MED16: variants seen among roughly 807,000 people sequenced by gnomAD.
The protein encoded by MED16 is mediator of RNA polymerase II transcription subunit 16.
Under a neutral mutation model 84.4 loss-of-function variants are expected in MED16, and 81 were observed. That is an observed-to-expected ratio of 0.96 (90% CI 0.80 to 1.15). The LOEUF (loss-of-function observed/expected upper bound fraction) is 1.15. Ranked by LOEUF, MED16 falls within the 50% of genes most tolerant of loss-of-function variation. The pLI is 0.00. For synonymous variants in MED16, 897 were observed against 552.2 expected (o/e 1.62, Z -8.76); for missense variants, 1,585 against 1,245.9 (o/e 1.27, Z -4.10).
intron 1 of MED16, among the ~76,000 whole-genome samples, chr19:892,105 C>T (rs1197392915): frequency 6.6e-6 from 1 of 152,028 alleles, no homozygotes; most frequent in Non-Finnish European, 1.5e-5. Flanking sequence ...GGCACCTCCT[C>T]GAGGCTTTCT....
chr19:873,745 A>T (rs2036159099), intron 10 of MED16, among the ~76,000 whole-genome samples, 163 bp from the exon 11 acceptor site: 2 of 151,834 alleles, frequency 1.3e-5, no homozygotes, highest in African/African-American at 4.8e-5. Context: ...TGCCGGACGG[A>T]GAGGAACTGG....
intron 9 of MED16, 143 bp downstream of exon 9, chr19:876,831 G>T: frequency 1.3e-6 from 1 of 759,388 alleles, no homozygotes; most frequent in Non-Finnish European, 2.0e-6. Flanking sequence ...CGGGGCCCCT[G>T]CCTGCCACAG....
Position 881,587 on chromosome 19 carries a change from G to C in MED16, c.1113C>G (p.Ala371=). The part of the protein sequence containing the change: ...ISLTNTDLKV[A]SDTQFYPGLG... Reference sequence around the variant, plus strand: ...GGCCAGGGTAGAACTGTGTGTCGCTGGCCACCTTGAGGTCGGTGTTGGTGA... The same window carrying C: ...GGCCAGGGTAGAACTGTGTGTCGCTCGCCACCTTGAGGTCGGTGTTGGTGA... The change falls in exon 7 of 16, where the codon GCC becomes GCG. Residue 371 remains alanine, a synonymous_variant. Coordinates refer to ENST00000325464, the MANE Select transcript of MED16 (RefSeq NM_005481.3). 6.2e-7 allele frequency: 1 copy of C among 1,612,496 alleles called. No homozygotes were observed. The highest frequency in any genetic ancestry group is 8.5e-7 in the Non-Finnish European group (1 of 1,179,878).
chr19:879,370 AGCCCC>A (rs2036355701), intron 8 of MED16, among the ~76,000 whole-genome samples: 3 of 140,452 alleles, frequency 2.1e-5, no homozygotes, highest in African/African-American at 2.7e-5. Flanking sequence ...AATGCCCACC[AGCCCC>A]AGCCGCACAT....
rs1449381199 is a variant in MED16, at chr19:884,925, G to A, written c.963C>T (p.Ile321=). 9 of 1,609,308 alleles carry A rather than the reference G, an allele frequency of 5.6e-6. No individual in the cohort carries two copies. The highest frequency in any genetic ancestry group is 2.7e-5 in the African/African-American group (2 of 74,924). ...LRKEGLPVNN[I]FQQISPVVGD... ...CACCCACGGGGGAGATCTGCTGGAA[G>A]ATGTTGTTCACGGGGAGTCCCTCCT... Residue 321 remains isoleucine (I), a synonymous_variant, in exon 6 of 16, where the codon ATC becomes ATT. Coordinates refer to ENST00000325464, the MANE Select transcript of MED16 (RefSeq NM_005481.3).
At chr19:886,635 A>G (rs1235130192) in intron 4 of MED16, among the ~76,000 whole-genome samples, 1 of 152,260 alleles carries the variant, frequency 6.6e-6, no homozygotes, top group Non-Finnish European at 1.5e-5. Context: ...CCTGGGCCGC[A>G]CTGTGCAGAC....
At chr19:883,101 C>A (rs1466859689) in intron 6 of MED16, among the ~76,000 whole-genome samples, 2 of 152,218 alleles carry the variant, frequency 1.3e-5, no homozygotes, top group Non-Finnish European at 2.9e-5. Flanking sequence ...GATTTACATC[C>A]CCTCCTCCAT....
rs774611499 is a variant in MED16 at position 871,603 on chromosome 19, T to G, written c.2098+323A>C. 5.0e-6 allele frequency: 8 copies of G among 1,595,388 alleles called. No homozygotes were observed. The Admixed American group carries it at 1.0e-4, about 20-fold the overall frequency. ...CCGACAAGGAGAGACAGCAAACAGG[T>G]GCCTGGAAGTGGCTGCCATCCCAAA... On this transcript the variant is annotated intron_variant, in intron 12 of 15. Coordinates refer to ENST00000325464, the MANE Select transcript of MED16 (RefSeq NM_005481.3).
At chr19:887,082 A>G (rs2036540790) in intron 4 of MED16, among the ~76,000 whole-genome samples, 1 of 151,006 alleles carries the variant, frequency 6.6e-6, no homozygotes, top group Non-Finnish European at 1.5e-5. Flanking sequence ...TTTGTCTCAA[A>G]AACAAAAAAA....
chr19:885,117 CTT>C, intron 5 of MED16, 109 bp from the exon 6 acceptor site: 1 of 797,162 alleles, frequency 1.3e-6, no homozygotes, highest in Non-Finnish European at 2.0e-6. Flanking sequence ...GGGCCTGTCT[CTT>C]CAGCCACGCC....
intron 13 of MED16, among the ~76,000 whole-genome samples, chr19:869,654 A>G (rs992452218): frequency 6.6e-6 from 1 of 152,118 alleles, no homozygotes; most frequent in Non-Finnish European, 1.5e-5. Context: ...GAGGTCCCGG[A>G]GCCAAGCCGG....
rs201531363 is a variant in MED16 at position 868,897 on chromosome 19, C to A, written c.2365G>T (p.Ala789Ser). ...IDHLRRLHLGACPTEECKACT... is the reference protein window; with the variant it reads ...IDHLRRLHLGSCPTEECKACT... ...GCCTTGCATTCCTCCGTGGGGCAAG[C>A]GCCAAGGTGCAGCCTCCGCAGGTGG... The change falls in exon 14 of 16, where the codon GCT (alanine) becomes TCT (serine). Residue 789 changes from alanine to serine, a missense_variant. Physicochemically the swap from Ala to Ser is moderately conservative, Grantham distance 99 (BLOSUM62 1). Coordinates refer to ENST00000325464, the MANE Select transcript of MED16 (RefSeq NM_005481.3). The A allele has an allele frequency of 6.4e-7, 1 of 1,551,506 alleles. No homozygotes were observed. The highest frequency in any genetic ancestry group is 2.0e-5 in the Admixed American group (1 of 50,472).
In MED16 at chr19:881,623, C is replaced by A; in HGVS notation, c.1077G>T (p.Leu359=). The A allele has an allele frequency of 1.2e-6, 2 of 1,612,736 alleles. No homozygotes were observed. Among genetic ancestry groups the A allele is most frequent in the East Asian group, 2.2e-5 (1 of 44,888 alleles). Residue 359 remains leucine (L), a synonymous_variant, in exon 7 of 16, where the codon CTG becomes CTT. Transcript: ENST00000325464. The part of the protein sequence containing the change: ...DRVSAVALPK[L]PISLTNTDLK... The stretch of plus-strand genomic sequence containing the variant: ...GGTCGGTGTTGGTGAGCGAGATGGG[C>A]AGCTTGGGCAGCGCCACGGCCGACA...
At chr19:886,768 G>C (rs999040820) in intron 4 of MED16, among the ~76,000 whole-genome samples, 1 of 152,180 alleles carries the variant, frequency 6.6e-6, no homozygotes, top group Non-Finnish European at 1.5e-5. Context: ...TTCTTTCAAC[G>C]TGAGTCTTTT....
chr19:880,286 G>A (rs1169095176), intron 7 of MED16, 138 bp from the exon 8 acceptor site: 4 of 696,716 alleles, frequency 5.7e-6, no homozygotes, highest in African/African-American at 3.8e-5. Context: ...GGCATCCAGC[G>A]CCCGTGCCCC....
chr19:890,879 C>T (rs1337050035), intron 2 of MED16, 84 bp downstream of exon 2: 2 of 1,468,260 alleles, frequency 1.4e-6, no homozygotes, highest in Non-Finnish European at 1.8e-6. Context: ...GACCGAGTCC[C>T]TTCAAGGCAG....
intron 9 of MED16, among the ~76,000 whole-genome samples, chr19:875,927 C>T (rs567447282): frequency 9.9e-5 from 15 of 152,136 alleles, no homozygotes; most frequent in South Asian, 2.1e-4. Flanking sequence ...GCCTGTGCAA[C>T]GTAGGACACC....
Position 886,198 on chromosome 19 carries a change from C to T in MED16, c.451G>A (p.Gly151Ser), listed in dbSNP as rs1382252900. 2.0e-6 allele frequency: 3 copies of T among 1,507,638 alleles called. No homozygotes were observed. The highest frequency in any genetic ancestry group is 2.7e-6 in the Non-Finnish European group (3 of 1,131,984). 93.4% of individuals were successfully genotyped at this position (1,507,638 alleles called of 1,614,324 possible). Residue 151 changes from glycine to serine, a missense_variant, in exon 5 of 16, where the codon GGC (glycine) becomes AGC (serine). Transcript: ENST00000325464. ...AACTTCTCCCCGAAGCTGGAGGCGCCCGACTGTGGAGAAGGGAGGGAGGGA... is the reference window on the plus strand; with the variant it reads ...AACTTCTCCCCGAAGCTGGAGGCGCTCGACTGTGGAGAAGGGAGGGAGGGA... ...VKLALHVEKS[G>S]ASSFGEKFSR...
At chr19:871,699 C>G (rs755820828) in intron 12 of MED16, 1 of 1,357,874 alleles carries the variant, frequency 7.4e-7, no homozygotes, top group Non-Finnish European at 1.0e-6. Flanking sequence ...GAGCCACTGC[C>G]ACCTGCAGGG....
Sources: gnomAD v4.1 joint callset for allele counts (sites outside exome capture counted in the v4.1 genomes callset) on GRCh38, gnomAD v4.1.1 for gene constraint, MANE v1.5 for transcripts, NCBI Gene and HGNC (gene_info 2026-07-23, HGNC 2026-07-21) for gene names.